Variants in DYTN observed in about 807,000 individuals in gnomAD.
DYTN encodes the protein dystrotelin.
In DYTN, 75 loss-of-function variants were observed where a neutral mutation model predicts 69.6. The ratio of observed to expected loss-of-function variants is 1.08; its 90% confidence interval spans 0.89 to 1.31. The LOEUF (loss-of-function observed/expected upper bound fraction) is 1.31. Ranked by LOEUF, DYTN falls within the 50% of genes most tolerant of loss-of-function variation. The pLI is 0.00. For synonymous variants in DYTN, 252 were observed against 249.1 expected, an observed-to-expected ratio of 1.01 and a Z score of -0.11; for missense variants, 726 against 688.4, an observed-to-expected ratio of 1.05 and a Z score of -0.61.
chr2:206,707,340 C>A lies in DYTN; in HGVS notation c.258G>T (p.Pro86=). 1.2e-6 allele frequency: 2 copies of A among 1,612,564 alleles called. No individual in the cohort carries two copies. The highest frequency in any genetic ancestry group is 1.7e-6 in the Non-Finnish European group (2 of 1,179,492). Reference sequence around the variant, plus strand: ...TCGTGAGAAGGCTCAGAGTGAGTTCCGGAGCTCTGGGATGCACTTGTCCTG... The same window carrying A: ...TCGTGAGAAGGCTCAGAGTGAGTTCAGGAGCTCTGGGATGCACTTGTCCTG... ...ENPGQVHPRA[P]ELTLSLLTTM... The change falls in exon 3 of 12, where the codon CCG becomes CCT. Residue 86 remains proline (P), a synonymous_variant. Transcript: ENST00000452335.
chr2:206,716,002 C>T (rs555252760), intron 1 of DYTN, among the ~76,000 whole-genome samples: 64 of 152,230 alleles, frequency 4.2e-4, no homozygotes, highest in African/African-American at 1.4e-3. Context: ...GCAGAAGAAT[C>T]GCTTGAACCA....
chr2:206,665,861 A>T lies in DYTN; in HGVS notation c.1140+9T>A, dbSNP rs1699564248. ...AGTCCAGATGGCCAGTGTCCCTCAC[A>T]TTTTATACCTGTAGGTCCCGTCTTA... On this transcript the variant is annotated intron_variant, in intron 10 of 11. Coordinates refer to ENST00000452335, the MANE Select transcript of DYTN (RefSeq NM_001093730.1). 1.9e-6 allele frequency: 3 copies of T among 1,612,624 alleles called. No individual in the cohort carries two copies. The highest frequency in any genetic ancestry group is 1.6e-4 in the Middle Eastern group (1 of 6,078).
chr2:206,674,339 T>C (rs1401098012), intron 9 of DYTN, among the ~76,000 whole-genome samples: 3 of 152,128 alleles, frequency 2.0e-5, no homozygotes, highest in Non-Finnish European at 4.4e-5. Context: ...ACTAATTATT[T>C]TGAAAATCTT....
chr2:206,693,936 C>T (rs1386999186), intron 8 of DYTN, among the ~76,000 whole-genome samples: 3 of 152,156 alleles, frequency 2.0e-5, no homozygotes, highest in Non-Finnish European at 2.9e-5. Flanking sequence ...ACCTGAGGAC[C>T]TGGGTAAGGC....
At chr2:206,682,243 TTG>T (rs1559310608) in intron 9 of DYTN, among the ~76,000 whole-genome samples, 1 of 152,168 alleles carries the variant, frequency 6.6e-6, no homozygotes, top group African/African-American at 2.4e-5. Context: ...TCATCTTTTG[TTG>T]TGTCTTTTGA....
At chr2:206,669,541 A>G (rs2105890202) in intron 9 of DYTN, among the ~76,000 whole-genome samples, 1 of 152,360 alleles carries the variant, frequency 6.6e-6, no homozygotes. Flanking sequence ...ATACTTTAGC[A>G]GTATACAAAT....
intron 1 of DYTN, 127 bp from the exon 2 acceptor site, chr2:206,710,725 A>T: frequency 1.4e-6 from 1 of 693,224 alleles, no homozygotes. Flanking sequence ...TAAGGTTTAG[A>T]GCTCTTTTTT....
chr2:206,694,891 T>G lies in DYTN; in HGVS notation c.720-14A>C. The G allele has an allele frequency of 6.9e-7, 1 of 1,444,772 alleles. No individual in the cohort carries two copies. The highest frequency in any genetic ancestry group is 9.1e-7 in the Non-Finnish European group (1 of 1,094,150). The allele number at this position is 1,444,772 out of a possible 1,614,324, so 89.5% of individuals were successfully genotyped here. On this transcript the variant is annotated splice_polypyrimidine_tract_variant and intron_variant, in intron 7 of 11. Coordinates refer to ENST00000452335, the MANE Select transcript of DYTN (RefSeq NM_001093730.1). ...AGACAGCGGTATCTGCCAGTTAAAA[T>G]AGAAGCACAGCTTACGTCACTAGTA...
chr2:206,705,625 T>A (rs985814927), intron 4 of DYTN, among the ~76,000 whole-genome samples, 163 bp downstream of exon 4: 1 of 152,224 alleles, frequency 6.6e-6, no homozygotes, highest in African/African-American at 2.4e-5. Flanking sequence ...GTGTAAATTT[T>A]GAAAAATTCC....
intron 8 of DYTN, 116 bp downstream of exon 8, chr2:206,694,650 T>C: frequency 2.7e-6 from 2 of 728,254 alleles, no homozygotes; most frequent in Non-Finnish European, 4.2e-6. Context: ...GTCTTAAATA[T>C]TGCAATGTAT....
chr2:206,707,562 A>G, intron 2 of DYTN, 59 bp from the exon 3 acceptor site: 10 of 1,493,042 alleles, frequency 6.7e-6, no homozygotes, highest in Non-Finnish European at 9.1e-6. Flanking sequence ...AAGGCTTCAA[A>G]TAAAGCAAAT....
chr2:206,716,966 GA>G (rs1418574667), intron 1 of DYTN, among the ~76,000 whole-genome samples: 1 of 151,716 alleles, frequency 6.6e-6, no homozygotes, highest in Non-Finnish European at 1.5e-5. Context: ...CATGGAAAAT[GA>G]ATGAGGAGCC....
At chr2:206,711,040 C>T (rs1206383508) in intron 1 of DYTN, among the ~76,000 whole-genome samples, 1 of 152,170 alleles carries the variant, frequency 6.6e-6, no homozygotes, top group African/African-American at 2.4e-5. Flanking sequence ...GTATATGGCC[C>T]TGGCATGATT....
At chr2:206,703,451 T>C (rs1264736579) in intron 5 of DYTN, among the ~76,000 whole-genome samples, 1 of 152,128 alleles carries the variant, frequency 6.6e-6, no homozygotes, top group Non-Finnish European at 1.5e-5. Flanking sequence ...GTGGGATCTA[T>C]GTGGCTGCTG....
At chr2:206,690,991 G>A (rs1416534636) in intron 9 of DYTN, among the ~76,000 whole-genome samples, 1 of 152,168 alleles carries the variant, frequency 6.6e-6, no homozygotes, top group African/African-American at 2.4e-5. Flanking sequence ...ATGGGAAAAC[G>A]ATGGAGGAAT....
chr2:206,667,688 T>TTGCATG (rs1553572198), intron 9 of DYTN, among the ~76,000 whole-genome samples: 1 of 131,642 alleles, frequency 7.6e-6, no homozygotes, highest in Non-Finnish European at 1.7e-5. Context: ...TCTGGCAACT[T>TTGCATG]TGCGTGTGCG....
At chr2:206,715,225 G>A (rs957489113) in intron 1 of DYTN, among the ~76,000 whole-genome samples, 3 of 152,074 alleles carry the variant, frequency 2.0e-5, no homozygotes, top group Non-Finnish European at 4.4e-5. Flanking sequence ...ACTTTTTGGG[G>A]GAGGAACTGT....
intron 11 of DYTN, among the ~76,000 whole-genome samples, chr2:206,657,640 G>A (rs1286577785): frequency 1.3e-5 from 2 of 152,062 alleles, no homozygotes; most frequent in South Asian, 2.1e-4. Context: ...GTTGGATATA[G>A]TATTTTTGAT....
At chr2:206,704,592 C>G (rs1483524125) in intron 5 of DYTN, among the ~76,000 whole-genome samples, 1 of 152,132 alleles carries the variant, frequency 6.6e-6, no homozygotes, top group Non-Finnish European at 1.5e-5. Flanking sequence ...TACAGCAATG[C>G]AAATAATTCT....
Sources: gnomAD v4.1 joint callset for allele counts (sites outside exome capture counted in the v4.1 genomes callset) on GRCh38, gnomAD v4.1.1 for gene constraint, MANE v1.5 for transcripts, NCBI Gene and HGNC (gene_info 2026-07-23, HGNC 2026-07-21) for gene names.